POLRMT: variants seen among roughly 807,000 people sequenced by gnomAD.
POLRMT encodes the protein RNA polymerase mitochondrial, also known as DNA-directed RNA polymerase, mitochondrial.
A neutral mutation model predicts 132.2 loss-of-function variants in POLRMT; 114 were observed. That is an observed-to-expected ratio of 0.86 (90% CI 0.74 to 1.01). The LOEUF is 1.01. POLRMT is among the 50% of genes least tolerant of loss of function. POLRMT has a pLI of 0.00. For synonymous variants in POLRMT, 1,020 were observed against 773.4 expected (o/e 1.32, Z -5.29); for missense variants, 2,003 against 1,729.1 (o/e 1.16, Z -2.81).
chr19:629,839 G>A lies in POLRMT; in HGVS notation c.523C>T (p.Leu175=), dbSNP rs1310120616. ...GGGGCCTGGCGCGTGCAGTCCTCCAGGCACCCGGCCATCTGCTTGCTCAGG... is the reference window on the plus strand; with the variant it reads ...GGGGCCTGGCGCGTGCAGTCCTCCAAGCACCCGGCCATCTGCTTGCTCAGG... ...RLLSKQMAGC[L]EDCTRQAPES... The change falls in exon 3 of 21, where the codon CTG becomes TTG. Residue 175 remains leucine (L), a synonymous_variant. Coordinates refer to ENST00000588649, the MANE Select transcript of POLRMT (RefSeq NM_005035.4). 1.9e-6 allele frequency: 3 copies of A among 1,604,832 alleles called. No homozygotes were observed. Among genetic ancestry groups the A allele is most frequent in the South Asian group, 2.2e-5 (2 of 90,328 alleles).
Position 617,327 on chromosome 19 carries a change from C to T in POLRMT, c.3644-4G>A. 6 of 1,612,914 alleles carry T rather than the reference C, an allele frequency of 3.7e-6. No individual in the cohort carries two copies. Among genetic ancestry groups the T allele is most frequent in the Non-Finnish European group, 4.2e-6 (5 of 1,179,898 alleles). ...ACCTGCTCCAGGTCGAAGGCCCCTG[C>T]GGAGGAAGCAGAGCGGACGGCGTGG... is the stretch of plus-strand genomic sequence containing the variant. On this transcript the variant is annotated splice_region_variant and splice_polypyrimidine_tract_variant and intron_variant, in intron 20 of 20. Transcript: ENST00000588649.
intron 3 of POLRMT, among the ~76,000 whole-genome samples, chr19:626,406 G>A (rs1386914355): frequency 6.8e-6 from 1 of 147,474 alleles, no homozygotes; most frequent in Admixed American, 6.8e-5. Flanking sequence ...CACCCGCCTC[G>A]GCCTCCCAAA....
At position 617,397 on chromosome 19, in the gene POLRMT, G is replaced by A. The variant is rs372469207; in HGVS notation, c.3643+22C>T. On this transcript the variant is annotated intron_variant, in intron 20 of 20. Transcript: ENST00000588649. ...CTGGCCCGCAGTTCGAGCCACCCTT[G>A]CGAGGCTGCCCACCCGCCTACCTGG... The A allele has an allele frequency of 1.1e-5, 18 of 1,612,218 alleles. No individual in the cohort carries two copies. The South Asian group carries it at 1.4e-4, about 13-fold the overall frequency.
Position 621,742 on chromosome 19 carries a change from C to A in POLRMT, c.1956G>T (p.Pro652=). 1.2e-6 allele frequency: 2 copies of A among 1,600,152 alleles called. No homozygotes were observed. The highest frequency in any genetic ancestry group is 1.7e-6 in the Non-Finnish European group (2 of 1,179,092). The change falls in exon 10 of 21, where the codon CCG becomes CCT. Residue 652 remains proline (P), a synonymous_variant. Coordinates refer to ENST00000588649, the MANE Select transcript of POLRMT (RefSeq NM_005035.4). ...CAGAGTGCGGCGATGTCCAGGGCAGCGGGGGGCAAAGCATGGGTACATCCA... is the reference window on the plus strand; with the variant it reads ...CAGAGTGCGGCGATGTCCAGGGCAGAGGGGGGCAAAGCATGGGTACATCCA... ...EAVDVPMLCP[P]LPWTSPHSGA...
intron 7 of POLRMT, 26 bp from the exon 8 acceptor site, chr19:622,778 G>T: frequency 6.4e-7 from 1 of 1,559,522 alleles, no homozygotes; most frequent in Non-Finnish European, 8.7e-7. Flanking sequence ...GTGAGTGCCT[G>T]CCCGCCCCGC....
At chr19:626,526 C>T (rs1985025041) in intron 3 of POLRMT, among the ~76,000 whole-genome samples, 1 of 148,678 alleles carries the variant, frequency 6.7e-6, no homozygotes, top group African/African-American at 2.5e-5. Flanking sequence ...GTGGCTCATG[C>T]CTGTAACCCC....
chr19:621,254 T>A lies in POLRMT; in HGVS notation c.2444A>T (p.His815Leu). Residue 815 changes from histidine (H) to leucine (L), a missense_variant, in exon 10 of 21, where the codon CAC becomes CTC. By Grantham distance (99) the His-to-Leu change is moderately conservative. Coordinates refer to ENST00000588649, the MANE Select transcript of POLRMT (RefSeq NM_005035.4). ...RTYPCPPHFNHLGSDVARALL... is the reference protein window; with the variant it reads ...RTYPCPPHFNLLGSDVARALL... The stretch of plus-strand genomic sequence containing the variant: ...GGCCCGCGCCACGTCGCTGCCCAGG[T>A]GGTTGAAGTGCGGCGGGCAGGGGTA... 6.2e-7 allele frequency: 1 copy of A among 1,607,866 alleles called. No homozygotes were observed. Among genetic ancestry groups the A allele is most frequent in the Non-Finnish European group, 8.5e-7 (1 of 1,177,832 alleles).
At chr19:625,966 G>A (rs1361024734) in intron 3 of POLRMT, among the ~76,000 whole-genome samples, 3 of 152,106 alleles carry the variant, frequency 2.0e-5, no homozygotes, top group Admixed American at 1.3e-4. Flanking sequence ...CTCCCAAAGT[G>A]CTGGGATGAC....
rs182690705 is a variant in POLRMT, at chr19:622,133, G to A, written c.1851+16C>T. The A allele has an allele frequency of 7.8e-6, 12 of 1,532,046 alleles. No individual in the cohort carries two copies. The highest frequency in any genetic ancestry group is 1.9e-5 in the Admixed American group (1 of 52,250). The allele number at this position is 1,532,046 out of a possible 1,614,324, so 94.9% of individuals were successfully genotyped here. A position where few individuals can be genotyped will look rare whatever the true frequency, so the allele number is the denominator to read the frequency against. Reference sequence around the variant, plus strand: ...CAGCGGGATGCCCCCCAGCTCAGGAGGGCACTGCCTGGCACCTGCTGGACG... The same window carrying A: ...CAGCGGGATGCCCCCCAGCTCAGGAAGGCACTGCCTGGCACCTGCTGGACG... On this transcript the variant is annotated intron_variant, in intron 9 of 20. Transcript: ENST00000588649.
chr19:621,038 T>A lies in POLRMT; in HGVS notation c.2640+20A>T, dbSNP rs765746742. Reference sequence around the variant, plus strand: ...GCGGGGGTGCCGGGAGGGCGGGGAATGCGGGGGCCCCGCCCCTACCGTCAA... The same window carrying A: ...GCGGGGGTGCCGGGAGGGCGGGGAAAGCGGGGGCCCCGCCCCTACCGTCAA... On this transcript the variant is annotated intron_variant, in intron 10 of 20. Transcript: ENST00000588649. The A allele has an allele frequency of 6.6e-7, 1 of 1,515,742 alleles. No individual in the cohort carries two copies. The allele number at this position is 1,515,742 out of a possible 1,614,324, so 93.9% of individuals were successfully genotyped here. A position where few individuals can be genotyped will look rare whatever the true frequency, so the allele number is the denominator to read the frequency against.
Position 620,458 on chromosome 19 carries a change from T to A in POLRMT, c.2670A>T (p.Glu890Asp), listed in dbSNP as rs756984384. The A allele has an allele frequency of 1.9e-6, 3 of 1,600,140 alleles. No individual in the cohort carries two copies. In the African/African-American group the frequency reaches 4.0e-5, roughly 21 times the overall value. The change falls in exon 11 of 21, where the codon GAA (glutamate) becomes GAT (aspartate). Residue 890 changes from glutamate (E) to aspartate (D), a missense_variant. Transcript: ENST00000588649. ...TGRKWWMGAE[E>D]PWQTLACCME... ...TACAGCAGGCCAGCGTCTGCCAGGG[T>A]TCCTCCGCGCCCATCCACCACTTTC...
rs1056763 is a variant in POLRMT, at chr19:621,790, C to T, written c.1908G>A (p.Glu636=). Residue 636 remains glutamate, a synonymous_variant, in exon 10 of 21, where the codon GAG becomes GAA. Coordinates refer to ENST00000588649, the MANE Select transcript of POLRMT (RefSeq NM_005035.4). The stretch of plus-strand genomic sequence containing the variant: ...CCACCGCCTCGAAGGTCAGCGTGGG[C>T]TCCGCGGCCTTCTCCAGCAGCTGCA... ...AYVQLLEKAA[E]PTLTFEAVDV... The T allele has an allele frequency of 6.2e-7, 1 of 1,602,326 alleles. No individual in the cohort carries two copies. Among genetic ancestry groups the T allele is most frequent in the Non-Finnish European group, 8.5e-7 (1 of 1,179,846 alleles).
At position 625,444 on chromosome 19, in the gene POLRMT, G is replaced by A. The variant is rs960549154; in HGVS notation, c.823-190C>T. The A allele has an allele frequency of 3.8e-5, 25 of 665,106 alleles. No homozygotes were observed. In the South Asian group the frequency reaches 5.9e-4, roughly 16 times the overall value. The allele number at this position is 665,106 out of a possible 1,614,324, so 41.2% of individuals were successfully genotyped here. ...CACACAAGCTCCACCTGCAGAGGCAGCCGCATGGCCCGCCAGGTGGGACTG... is the reference window on the plus strand; with the variant it reads ...CACACAAGCTCCACCTGCAGAGGCAACCGCATGGCCCGCCAGGTGGGACTG... On this transcript the variant is annotated intron_variant, in intron 3 of 20. Transcript: ENST00000588649.
At chr19:617,740 A>AC (rs1984108702) in intron 18 of POLRMT, 37 bp downstream of exon 18, 10 of 1,612,220 alleles carry the variant, frequency 6.2e-6, no homozygotes, top group Non-Finnish European at 8.5e-6. Context: ...TGGGGGCCCC[A>AC]CCCATGGGTG....
chr19:617,485 G>A lies in POLRMT; in HGVS notation c.3582-5C>T, dbSNP rs888417677. ...GCCTCCAAGATCTTCTGGGGCCTGG[G>A]GTTGGAAGCAGGGTGGGGTGAGGCT... On this transcript the variant is annotated splice_region_variant and splice_polypyrimidine_tract_variant and intron_variant, in intron 19 of 20. Coordinates refer to ENST00000588649, the MANE Select transcript of POLRMT (RefSeq NM_005035.4). 10 of 1,611,482 alleles carry A rather than the reference G, an allele frequency of 6.2e-6. No individual in the cohort carries two copies. The highest frequency in any genetic ancestry group is 8.5e-6 in the Non-Finnish European group (10 of 1,179,690).
rs766609561 is a variant in POLRMT at position 630,000 on chromosome 19, C to A, written c.362G>T (p.Arg121Leu). ...AKDATPVPCG[R>L]WAKILEKDKR... ...ATCCTTCTCCAGTATCTTTGCCCAG[C>A]GGCCACAGGGCACCGGGGTGGCATC... is the stretch of plus-strand genomic sequence containing the variant. The change falls in exon 3 of 21, where the codon CGC becomes CTC. Residue 121 changes from arginine (R) to leucine (L), a missense_variant. Arg to Leu is a moderately radical substitution (Grantham distance 102). Coordinates refer to ENST00000588649, the MANE Select transcript of POLRMT (RefSeq NM_005035.4). 4 of 1,613,800 alleles carry A rather than the reference C, an allele frequency of 2.5e-6. No homozygotes were observed. In the South Asian group the frequency reaches 3.3e-5, roughly 13 times the overall value.
chr19:630,318 T>A, intron 2 of POLRMT, 150 bp from the exon 3 acceptor site: 2 of 948,012 alleles, frequency 2.1e-6, no homozygotes, highest in Non-Finnish European at 3.1e-6. Context: ...AACAACGTTG[T>A]AAGGTCTGCC....
intron 12 of POLRMT, 93 bp from the exon 13 acceptor site, chr19:619,858 C>T (rs1984365807): frequency 6.4e-7 from 1 of 1,567,474 alleles, no homozygotes; most frequent in Admixed American, 1.8e-5. Context: ...AGCCCCACCA[C>T]ATCCTCAGGA....
At position 618,526 on chromosome 19, in the gene POLRMT, G is replaced by C. The variant is rs1293767367; in HGVS notation, c.3384C>G (p.Asp1128Glu). 2 of 1,613,102 alleles carry C rather than the reference G, an allele frequency of 1.2e-6. No individual in the cohort carries two copies. The highest frequency in any genetic ancestry group is 1.7e-6 in the Non-Finnish European group (2 of 1,179,494). Reference protein sequence around the residue: ...GFPPNFIHSLDSSHMMLTALH... With the variant: ...GFPPNFIHSLESSHMMLTALH... ...GGGCGGTGAGCATCATGTGGGAGGA[G>C]TCCAGCGAGTGGATGAAGTTGGGCG... Residue 1128 changes from aspartate (D) to glutamate (E), a missense_variant, in exon 17 of 21, where the codon GAC becomes GAG. Physicochemically the swap from Asp to Glu is conservative, Grantham distance 45 (BLOSUM62 2). Transcript: ENST00000588649.
Sources: gnomAD v4.1 joint callset for allele counts (sites outside exome capture counted in the v4.1 genomes callset) on GRCh38, gnomAD v4.1.1 for gene constraint, MANE v1.5 for transcripts, NCBI Gene and HGNC (gene_info 2026-07-23, HGNC 2026-07-21) for gene names.